Variants in HDAC4 observed in about 807,000 individuals in gnomAD.
HDAC4 encodes the protein histone deacetylase A.
In HDAC4, 16 loss-of-function variants were observed where a neutral mutation model predicts 135.1. The observed-to-expected ratio is 0.12, with a 90% CI of 0.08 to 0.18. The LOEUF (loss-of-function observed/expected upper bound fraction) is 0.18, where lower values mean the gene tolerates loss of function less well. Ranked by LOEUF, HDAC4 falls within the 10% of genes least tolerant of loss-of-function variation. HDAC4 has a pLI of 1.00. For synonymous variants in HDAC4, 685 were observed against 653.4 expected, an observed-to-expected ratio of 1.05 and a Z score of -0.74; for missense variants, 1,143 against 1,511.8, an observed-to-expected ratio of 0.76 and a Z score of 4.05.
chr2:239,277,964 C>A (rs1330042887), intron 2 of HDAC4, among the ~76,000 whole-genome samples: 2 of 151,732 alleles, frequency 1.3e-5, no homozygotes, highest in African/African-American at 4.8e-5. Flanking sequence ...GGCTCCCCGT[C>A]TCTCCTGAGC....
intron 1 of HDAC4, among the ~76,000 whole-genome samples, chr2:239,385,002 G>C (rs966846311): frequency 2.6e-5 from 4 of 152,146 alleles, no homozygotes; most frequent in Non-Finnish European, 4.4e-5. Flanking sequence ...CAGGAGAACA[G>C]AACTGCGGAC....
At chr2:239,329,618 C>T (rs559493855) in intron 2 of HDAC4, among the ~76,000 whole-genome samples, 3 of 151,864 alleles carry the variant, frequency 2.0e-5, no homozygotes, top group Non-Finnish European at 2.9e-5. Flanking sequence ...CCAAGTTATT[C>T]TGAAATTTCA....
intron 3 of HDAC4, among the ~76,000 whole-genome samples, chr2:239,206,722 G>C (rs74000521): frequency 0.035 from 5,258 of 151,216 alleles, 310 homozygotes; most frequent in African/African-American, 0.12. Flanking sequence ...CTTCATGACA[G>C]GTGCCAATCA....
At chr2:239,342,131 G>A (rs1002692020) in intron 2 of HDAC4, among the ~76,000 whole-genome samples, 2 of 152,044 alleles carry the variant, frequency 1.3e-5, no homozygotes, top group South Asian at 2.1e-4. Context: ...GGTATTTTAT[G>A]ATAGCAGGCT....
chr2:239,378,928 A>G (rs2126046102), intron 1 of HDAC4, among the ~76,000 whole-genome samples: 1 of 152,348 alleles, frequency 6.6e-6, no homozygotes, highest in African/African-American at 2.4e-5. Flanking sequence ...TTCCCCAGGA[A>G]GCAGCCCTCT....
intron 1 of HDAC4, among the ~76,000 whole-genome samples, chr2:239,374,053 G>C (rs145733487): frequency 9.3e-4 from 142 of 152,296 alleles, no homozygotes; most frequent in Non-Finnish European, 1.7e-3. Context: ...AAGACACAGA[G>C]GTAATTCAAG....
At chr2:239,077,455 C>A (rs1257104791) in intron 22 of HDAC4, among the ~76,000 whole-genome samples, 2 of 152,274 alleles carry the variant, frequency 1.3e-5, no homozygotes, top group Admixed American at 1.3e-4. Context: ...AGGGCAGGCA[C>A]TGTGCCGGCT....
At position 239,068,763 on chromosome 2, in the gene HDAC4, G is replaced by A. The variant is rs947252538; in HGVS notation, c.2751-156C>T. On this transcript the variant is annotated intron_variant, in intron 22 of 26. Transcript: ENST00000543185. This position sits in a 1 kb window ranked among gnomAD's most constrained non-coding sequence, Gnocchi z 4.4. ...TCCACACAGCAGGCTGGAATCTGGC[G>A]ACCACGCTTAATTAGAAGGGAATCA... 5 of 720,768 alleles carry A rather than the reference G, an allele frequency of 6.9e-6. No homozygotes were observed. Among genetic ancestry groups the A allele is most frequent in the East Asian group, 2.6e-5 (1 of 38,298 alleles). The allele number at this position is 720,768 out of a possible 1,614,324, so 44.6% of individuals were successfully genotyped here. A position where few individuals can be genotyped will look rare whatever the true frequency, so the allele number is the denominator to read the frequency against.
rs901537484 is a variant in HDAC4 at position 239,105,838 on chromosome 2, G to A, written c.2112+2212C>T. Among the ~76,000 whole-genome samples, 4 of 152,204 alleles carry A rather than the reference G, an allele frequency of 2.6e-5. No individual in the cohort carries two copies. The South Asian group carries it at 6.2e-4, about 24-fold the overall frequency. ...CCCCTCTGCTCGGCCATCTCAGGAG[G>A]CCAGTGACCCCTGGCAGGCTGGCAC... On this transcript the variant is annotated intron_variant, in intron 15 of 26. Coordinates refer to ENST00000543185, the MANE Select transcript of HDAC4 (RefSeq NM_001378414.1).
intron 24 of HDAC4, among the ~76,000 whole-genome samples, chr2:239,064,548 G>A (rs1219690261): frequency 2.0e-5 from 3 of 152,198 alleles, no homozygotes; most frequent in Non-Finnish European, 4.4e-5. Context: ...CCCTAGAAAG[G>A]TGGGGGTCTT....
intron 17 of HDAC4, among the ~76,000 whole-genome samples, chr2:239,090,680 G>A (rs1008634807): frequency 3.3e-5 from 5 of 151,380 alleles, no homozygotes; most frequent in Admixed American, 2.6e-4. Context: ...CTTTTTGAGC[G>A]CTTACGTGAC....
In HDAC4 at chr2:239,175,635, G is replaced by A. The variant is rs148872821; in HGVS notation, c.490+778C>T. Among the ~76,000 whole-genome samples, 25 of 152,328 alleles carry A rather than the reference G, an allele frequency of 1.6e-4. No individual in the cohort carries two copies. The East Asian group carries it at 4.1e-3, about 25-fold the overall frequency. On this transcript the variant is annotated intron_variant, in intron 5 of 26. Transcript: ENST00000543185. ...TGGAAGGAGCAGATAGCAAGAGCAC[G>A]CTGCTGGCCCTCACTGGGCCGTGGG...
chr2:239,216,324 A>T (rs969417393), intron 3 of HDAC4, among the ~76,000 whole-genome samples: 1 of 150,020 alleles, frequency 6.7e-6, no homozygotes, highest in African/African-American at 2.4e-5. Flanking sequence ...AGAAAAAAAA[A>T]AATAAAAGAA....
chr2:239,251,822 T>C (rs1248692159), intron 2 of HDAC4, among the ~76,000 whole-genome samples: 3 of 152,190 alleles, frequency 2.0e-5, no homozygotes, highest in Non-Finnish European at 4.4e-5. Flanking sequence ...AACCAGCTTT[T>C]CTGGATCCTC....
In HDAC4 at chr2:239,230,258, G is replaced by T. The variant is rs77257012; in HGVS notation, c.94+6335C>A. ...TGGTCAAGAAGGGGGTCCATTCATT[G>T]GGTTGGGGGACTTAGAATTTTATTT... On this transcript the variant is annotated intron_variant, in intron 3 of 26. Coordinates refer to ENST00000543185, the MANE Select transcript of HDAC4 (RefSeq NM_001378414.1). Among the ~76,000 whole-genome samples the T allele has an allele frequency of 2.0e-5, 3 of 151,190 alleles. No individual in the cohort carries two copies. In the East Asian group the frequency reaches 5.9e-4, roughly 30 times the overall value.
chr2:239,082,434 C>A (rs2035432264), intron 20 of HDAC4, among the ~76,000 whole-genome samples: 2 of 152,206 alleles, frequency 1.3e-5, no homozygotes, highest in South Asian at 4.1e-4. Context: ...TTCTAAGGGC[C>A]AATGTTCGCG....
chr2:239,102,966 C>G, intron 15 of HDAC4, 70 bp from the exon 16 acceptor site: 1 of 1,596,588 alleles, frequency 6.3e-7, no homozygotes, highest in Non-Finnish European at 8.6e-7. Context: ...CAGACAGAAA[C>G]TCCAACTGAA....
chr2:239,246,541 TGGCCACGGCGCC>T (rs1476637990), intron 2 of HDAC4, among the ~76,000 whole-genome samples: 1 of 147,378 alleles, frequency 6.8e-6, no homozygotes, highest in Non-Finnish European at 1.5e-5. Context: ...GAGCAGGTGA[TGGCCACGGCGCC>T]GGCAGGAGTG....
intron 24 of HDAC4, chr2:239,055,088 C>T (rs572716171): frequency 2.1e-5 from 9 of 423,986 alleles, no homozygotes; most frequent in South Asian, 1.7e-4. Flanking sequence ...AAAGACAGTC[C>T]CCAGGAGTGG....
Sources: gnomAD v4.1 joint callset for allele counts (sites outside exome capture counted in the v4.1 genomes callset) on GRCh38, gnomAD v4.1.1 for gene constraint, Gnocchi (gnomAD v3.1) non-coding constraint, MANE v1.5 for transcripts, NCBI Gene and HGNC (gene_info 2026-07-23, HGNC 2026-07-21) for gene names.